Variants in KCNT2 observed in about 807,000 individuals in gnomAD.
KCNT2 encodes potassium sodium-activated channel subfamily T member 2, also known as potassium channel subfamily T member 2.
KCNT2 carries 67 observed loss-of-function variants against 153.8 expected under a neutral mutation model. The ratio of observed to expected loss-of-function variants is 0.44; its 90% CI spans 0.36 to 0.53. KCNT2 has a LOEUF of 0.53. KCNT2 is among the 20% of genes least tolerant of loss of function. KCNT2 has a pLI of 0.00. For synonymous variants in KCNT2, 500 were observed against 458.8 expected (o/e 1.09, Z -1.15); for missense variants, 975 against 1,354.8 (o/e 0.72, Z 4.40).
At chr1:196,413,431 C>G (rs1229806016) in intron 12 of KCNT2, among the ~76,000 whole-genome samples, 1 of 151,416 alleles carries the variant, frequency 6.6e-6, no homozygotes, top group Non-Finnish European at 1.5e-5. Context: ...ATTAATTGGA[C>G]TTGAAGAAAA....
At chr1:196,304,099 G>A (rs991115533) in intron 22 of KCNT2, among the ~76,000 whole-genome samples, 3 of 151,984 alleles carry the variant, frequency 2.0e-5, no homozygotes, top group African/African-American at 7.2e-5. Flanking sequence ...TGGAAGCAGG[G>A]CACAACAACA....
At chr1:196,440,263 G>C (rs1000728237) in intron 8 of KCNT2, among the ~76,000 whole-genome samples, 2 of 151,896 alleles carry the variant, frequency 1.3e-5, no homozygotes, top group African/African-American at 4.8e-5. Context: ...TTTGTCTTCA[G>C]TTCTGTATTT....
intron 1 of KCNT2, among the ~76,000 whole-genome samples, chr1:196,542,654 G>C (rs1411881466): frequency 1.3e-5 from 2 of 152,070 alleles, no homozygotes; most frequent in Admixed American, 6.6e-5. Context: ...TGGGGAGCTT[G>C]GGAGGTGTTT....
chr1:196,232,280 C>T (rs1022995938), intron 27 of KCNT2, among the ~76,000 whole-genome samples: 17 of 151,538 alleles, frequency 1.1e-4, no homozygotes, highest in Admixed American at 4.6e-4. Context: ...TATTATTGTT[C>T]GCATCAAATT....
At chr1:196,404,121 G>C in intron 12 of KCNT2, 1 of 972,312 alleles carries the variant, frequency 1.0e-6, no homozygotes, top group Non-Finnish European at 1.2e-6. Context: ...CAGCTTCTCT[G>C]TCTCACTTAC....
chr1:196,546,762 T>A (rs535165059), intron 1 of KCNT2, among the ~76,000 whole-genome samples: 5 of 151,460 alleles, frequency 3.3e-5, no homozygotes, highest in Non-Finnish European at 5.9e-5. Flanking sequence ...AATCAGAAAG[T>A]CAAAAAAATC....
In KCNT2 at chr1:196,451,217, C is replaced by CTTTTTTTTTTTTTTTTTTTTT. The variant is rs561944079; in HGVS notation, c.638+14055_638+14075dup. Among the ~76,000 whole-genome samples the CTTTTTTTTTTTTTTTTTTTTT allele has an allele frequency of 1.7e-4, 11 of 63,552 alleles. 1 individual carries two copies. Among genetic ancestry groups the CTTTTTTTTTTTTTTTTTTTTT allele is most frequent in the East Asian group, 7.1e-4 (1 of 1,412 alleles). 41.7% of individuals were successfully genotyped at this position (63,552 alleles called of 152,430 possible). ...GCTATATCCCTCTTAATCCCTCTTT[C>CTTTTTTTTTTTTTTTTTTTTT]TTTTTTTTTTTTTTTTTTTTTTTTT... On this transcript the variant is annotated intron_variant, in intron 8 of 27. Coordinates refer to ENST00000294725, the MANE Select transcript of KCNT2 (RefSeq NM_198503.5).
intron 22 of KCNT2, among the ~76,000 whole-genome samples, chr1:196,301,542 A>G (rs193057676): frequency 7.7e-4 from 118 of 152,278 alleles, no homozygotes; most frequent in Admixed American, 3.4e-3. Context: ...ATATATTAAT[A>G]TTTATTAGAA....
At chr1:196,400,834 A>C (rs1671348009) in intron 12 of KCNT2, among the ~76,000 whole-genome samples, 1 of 151,828 alleles carries the variant, frequency 6.6e-6, no homozygotes, top group Admixed American at 6.6e-5. Context: ...TAAACGAACT[A>C]AAGTAGGCAG....
chr1:196,586,490 C>G (rs1349808961), intron 1 of KCNT2, among the ~76,000 whole-genome samples: 1 of 151,974 alleles, frequency 6.6e-6, no homozygotes, highest in African/African-American at 2.4e-5. Context: ...CTAGACATCT[C>G]CTGCTGCTAG....
At chr1:196,415,826 T>C (rs955406714) in intron 12 of KCNT2, among the ~76,000 whole-genome samples, 5 of 151,888 alleles carry the variant, frequency 3.3e-5, no homozygotes, top group Non-Finnish European at 7.4e-5. Context: ...AATGACACTC[T>C]TGTTGTCCCT....
chr1:196,530,069 C>T (rs990637113), intron 1 of KCNT2, among the ~76,000 whole-genome samples: 1 of 151,792 alleles, frequency 6.6e-6, no homozygotes, highest in African/African-American at 2.4e-5. Flanking sequence ...TTTTTTGACA[C>T]ACATCATACA....
At chr1:196,326,912 T>C (rs1391413531) in intron 18 of KCNT2, 23 bp from the exon 19 acceptor site, 15 of 1,398,466 alleles carry the variant, frequency 1.1e-5, no homozygotes, top group African/African-American at 3.0e-5. Flanking sequence ...AAGTATACAT[T>C]GAAATGCCAT....
In KCNT2 at chr1:196,427,006, C is replaced by T. The variant is rs144732960; in HGVS notation, c.985-1018G>A. Reference sequence around the variant, plus strand: ...ATCGTAAGCCAATTAAATCTCTTTTCTTTATACATTATCCTCTCTCAGGTA... The same window carrying T: ...ATCGTAAGCCAATTAAATCTCTTTTTTTTATACATTATCCTCTCTCAGGTA... On this transcript the variant is annotated intron_variant, in intron 10 of 27. Coordinates refer to ENST00000294725, the MANE Select transcript of KCNT2 (RefSeq NM_198503.5). Among the ~76,000 whole-genome samples the T allele has an allele frequency of 2.8e-3, 420 of 152,080 alleles. 1 individual carries two copies. Among genetic ancestry groups the T allele is most frequent in the African/African-American group, 9.7e-3 (402 of 41,512 alleles).
intron 10 of KCNT2, 101 bp from the exon 11 acceptor site, chr1:196,426,089 A>C: frequency 3.6e-6 from 3 of 836,678 alleles, no homozygotes; most frequent in Non-Finnish European, 5.5e-6. Context: ...ATATGATAAA[A>C]CTGAAATGAA....
At chr1:196,363,590 C>T (rs996939668) in intron 14 of KCNT2, among the ~76,000 whole-genome samples, 3 of 152,112 alleles carry the variant, frequency 2.0e-5, no homozygotes, top group Admixed American at 2.0e-4. Context: ...AATGGATTAA[C>T]ATCCTATGGC....
At chr1:196,393,462 A>G (rs1203823217) in intron 13 of KCNT2, among the ~76,000 whole-genome samples, 1 of 151,674 alleles carries the variant, frequency 6.6e-6, no homozygotes, top group Non-Finnish European at 1.5e-5. Flanking sequence ...GGAGACAAAC[A>G]GCAAACTTCA....
intron 14 of KCNT2, among the ~76,000 whole-genome samples, chr1:196,347,354 G>T (rs1360705081): frequency 6.6e-6 from 1 of 152,112 alleles, no homozygotes; most frequent in Non-Finnish European, 1.5e-5. Context: ...GAATGAGGGA[G>T]AAATAATTAC....
At chr1:196,419,493 T>C (rs1013836160) in intron 12 of KCNT2, among the ~76,000 whole-genome samples, 5 of 151,630 alleles carry the variant, frequency 3.3e-5, no homozygotes, top group Non-Finnish European at 7.4e-5. Flanking sequence ...TGCATCCATG[T>C]CCCTACAAAG....
Sources: allele counts gnomAD v4.1 joint callset (sites outside exome capture counted in the v4.1 genomes callset), GRCh38; gene constraint gnomAD v4.1.1; transcripts MANE v1.5; gene names NCBI Gene and HGNC (gene_info 2026-07-23, HGNC 2026-07-21).